The following ARHGAP29 variants were observed in gnomAD, a reference collection of about 807,000 sequenced individuals.
ARHGAP29 encodes the protein Rho GTPase activating protein 29, also known as rho GTPase-activating protein 29.
ARHGAP29 carries 43 observed loss-of-function variants against 122.6 expected under a neutral mutation model. The ratio of observed to expected loss-of-function variants is 0.35; its 90% confidence interval spans 0.27 to 0.45. The LOEUF is 0.45. Ranked by LOEUF, ARHGAP29 falls within the 20% of genes least tolerant of loss-of-function variation. The pLI is 1.00. For synonymous variants in ARHGAP29, 506 were observed against 497.1 expected (o/e 1.02, Z -0.24); for missense variants, 1,303 against 1,477.2 (o/e 0.88, Z 1.93).
chr1:94,237,801 G>C (rs1190983587), upstream of ARHGAP29: 1 of 981,924 alleles, frequency 1.0e-6, no homozygotes, highest in Non-Finnish European at 1.2e-6. Flanking sequence ...TGCCCTTTTG[G>C]CTTGCAGGGG....
At chr1:94,209,019 C>A in intron 4 of ARHGAP29, 115 bp from the exon 5 acceptor site, 1 of 1,007,270 alleles carries the variant, frequency 9.9e-7, no homozygotes, top group South Asian at 1.6e-5. Context: ...TAGAAATAAA[C>A]CCCTAGGAAT....
chr1:94,290,282 A>AT, the ARHGAP29 span, among the ~76,000 whole-genome samples: 8 of 138,732 alleles, frequency 5.8e-5, no homozygotes, highest in Admixed American at 2.0e-4. Context: ...CCCCTTTATC[A>AT]TTTTTTATTG....
At chr1:94,260,642 G>C (rs897642867) in intron 1 of ARHGAP29, among the ~76,000 whole-genome samples, 4 of 152,164 alleles carry the variant, frequency 2.6e-5, no homozygotes, top group Admixed American at 2.6e-4. Context: ...GGGACTTGCT[G>C]TTGGTAGTAG....
chr1:94,213,584 A>G (rs572358535), intron 3 of ARHGAP29, among the ~76,000 whole-genome samples: 8 of 152,330 alleles, frequency 5.3e-5, no homozygotes, highest in Admixed American at 4.6e-4. Context: ...AATGGATAAG[A>G]CTGTGTTCCA....
intron 1 of ARHGAP29, among the ~76,000 whole-genome samples, chr1:94,261,708 G>T (rs1654562015): frequency 6.6e-6 from 1 of 152,104 alleles, no homozygotes; most frequent in Admixed American, 6.5e-5. Flanking sequence ...GGAGGTGAAA[G>T]TTCTCTACAA....
At chr1:94,187,615 C>T (rs1459270748) in intron 15 of ARHGAP29, among the ~76,000 whole-genome samples, 2 of 152,134 alleles carry the variant, frequency 1.3e-5, no homozygotes, top group Non-Finnish European at 2.9e-5. Context: ...GACAGGTCTC[C>T]AATTTTCCTT....
rs1471059831 is a variant in ARHGAP29 at position 94,189,230 on chromosome 1, C to T, written c.1562G>A (p.Ser521Asn). 6.2e-7 allele frequency: 1 copy of T among 1,611,234 alleles called. No individual in the cohort carries two copies. Among genetic ancestry groups the T allele is most frequent in the South Asian group, 1.1e-5 (1 of 90,366 alleles). ...NKIEEDRCSNSADITGPSFIR... is the reference protein window; with the variant it reads ...NKIEEDRCSNNADITGPSFIR... ...TGGAAAACTACCTGTTATATCTGCA[C>T]TGTTAGAGCATCTGTCCTCTTCAAT... is the stretch of plus-strand genomic sequence containing the variant. Residue 521 changes from serine (S) to asparagine (N), a missense_variant, in exon 14 of 23, where the codon AGT (serine) becomes AAT (asparagine). Ser to Asn is a conservative substitution (Grantham distance 46). Transcript: ENST00000260526.
chr1:94,249,992 T>A (rs532002076), intron 1 of ARHGAP29, among the ~76,000 whole-genome samples: 9 of 142,000 alleles, frequency 6.3e-5, no homozygotes, highest in African/African-American at 2.2e-4. Flanking sequence ...GTAAAAATTC[T>A]TCCAGTGTGA....
upstream of ARHGAP29, among the ~76,000 whole-genome samples, chr1:94,276,578 T>G: frequency 6.6e-6 from 1 of 151,342 alleles, no homozygotes. Flanking sequence ...CCCAGGAGTT[T>G]GAGACCAGCC....
In ARHGAP29 at chr1:94,169,065, G is replaced by A. The variant is rs72727422; in HGVS notation, c.*4804C>T. On this transcript the variant is annotated 3_prime_UTR_variant, in exon 23 of 23. Coordinates refer to ENST00000260526, the MANE Select transcript of ARHGAP29 (RefSeq NM_004815.4). ...TGTTACAGCCAAGACCAAAAAGTGA[G>A]AACCACAATTCAATATTTTCTATAA... is the stretch of plus-strand genomic sequence containing the variant. Among the ~76,000 whole-genome samples, 202 of 152,242 alleles carry A rather than the reference G, an allele frequency of 1.3e-3. No individual in the cohort carries two copies. Among genetic ancestry groups the A allele is most frequent in the Non-Finnish European group, 1.4e-3 (94 of 68,010 alleles).
At chr1:94,232,729 C>A (rs781241450) in intron 1 of ARHGAP29, among the ~76,000 whole-genome samples, 34 of 152,148 alleles carry the variant, frequency 2.2e-4, no homozygotes, top group Non-Finnish European at 4.0e-4. Flanking sequence ...TTCTTCTTCA[C>A]CCTCATTTTA....
intron 19 of ARHGAP29, among the ~76,000 whole-genome samples, chr1:94,182,449 G>A (rs1034867028): frequency 1.1e-4 from 16 of 152,132 alleles, no homozygotes; most frequent in Admixed American, 7.9e-4. Context: ...GATTGGCAGC[G>A]CTTATGGAGT....
intron 3 of ARHGAP29, among the ~76,000 whole-genome samples, chr1:94,217,156 A>C (rs1651996830): frequency 6.6e-6 from 1 of 152,186 alleles, no homozygotes. Context: ...GGTAGATTTG[A>C]AAAAATGCAT....
At chr1:94,251,429 G>A (rs1045867087) in intron 1 of ARHGAP29, among the ~76,000 whole-genome samples, 4 of 152,212 alleles carry the variant, frequency 2.6e-5, no homozygotes, top group South Asian at 2.1e-4. Flanking sequence ...GTGAGCCACC[G>A]TGCCTGGCCT....
Position 94,181,330 on chromosome 1 carries a change from G to A in ARHGAP29, c.2248-1373C>T, listed in dbSNP as rs564578587. On this transcript the variant is annotated intron_variant, in intron 19 of 22. Transcript: ENST00000260526. Reference sequence around the variant, plus strand: ...TCACGCTTCTGAGCAGCCTCTTCCCGAGAAGTCTCAAGGTTTCTTCTCCGG... The same window carrying A: ...TCACGCTTCTGAGCAGCCTCTTCCCAAGAAGTCTCAAGGTTTCTTCTCCGG... Among the ~76,000 whole-genome samples, 4 of 152,272 alleles carry A rather than the reference G, an allele frequency of 2.6e-5. No homozygotes were observed. The East Asian group carries it at 5.8e-4, about 22-fold the overall frequency.
chr1:94,304,049 C>G, the ARHGAP29 span, among the ~76,000 whole-genome samples: 1 of 152,194 alleles, frequency 6.6e-6, no homozygotes, highest in African/African-American at 2.4e-5. Context: ...ATTTTGATGT[C>G]AAGGCTCTGC....
intron 3 of ARHGAP29, among the ~76,000 whole-genome samples, chr1:94,210,434 C>A (rs2101545381): frequency 6.6e-6 from 1 of 152,266 alleles, no homozygotes. Context: ...TTCTAATACA[C>A]AACGAGAGTT....
At chr1:94,198,590 AT>A (rs902501547) in intron 12 of ARHGAP29, among the ~76,000 whole-genome samples, 1 of 152,196 alleles carries the variant, frequency 6.6e-6, no homozygotes, top group Non-Finnish European at 1.5e-5. Flanking sequence ...GCCCCCCCAA[AT>A]AAACACATAC....
intron 22 of ARHGAP29, chr1:94,176,652 G>C (rs1335389483): frequency 6.6e-6 from 1 of 151,992 alleles, no homozygotes; most frequent in East Asian, 1.9e-4. Flanking sequence ...TTGTCACCCT[G>C]GCTGGAGTGC....
Sources: gnomAD v4.1 joint callset for allele counts (sites outside exome capture counted in the v4.1 genomes callset) on GRCh38, gnomAD v4.1.1 for gene constraint, MANE v1.5 for transcripts, NCBI Gene and HGNC (gene_info 2026-07-23, HGNC 2026-07-21) for gene names.